NRG3: variants seen among roughly 807,000 people sequenced by gnomAD.
NRG3 encodes the protein pro-neuregulin-3, membrane-bound isoform.
A neutral mutation model predicts 66.9 loss-of-function variants in NRG3; 31 were observed. The ratio of observed to expected loss-of-function variants is 0.46; its 90% CI spans 0.35 to 0.63. The LOEUF (loss-of-function observed/expected upper bound fraction) is 0.63, where lower values mean the gene tolerates loss of function less well. NRG3 is among the 20% of genes least tolerant of loss of function. The pLI is 0.00. For synonymous variants in NRG3, 393 were observed against 359.4 expected, an observed-to-expected ratio of 1.09 and a Z score of -1.06; for missense variants, 910 against 878.9, an observed-to-expected ratio of 1.04 and a Z score of -0.45.
intron 1 of NRG3, among the ~76,000 whole-genome samples, chr10:82,202,200 G>A (rs1328028428): frequency 6.6e-6 from 1 of 152,168 alleles, no homozygotes; most frequent in Non-Finnish European, 1.5e-5. Context: ...TGTTCACTAA[G>A]CCCCCTGACT....
At chr10:82,153,028 C>A (rs191173517) in intron 1 of NRG3, among the ~76,000 whole-genome samples, 24 of 152,004 alleles carry the variant, frequency 1.6e-4, no homozygotes, top group African/African-American at 5.1e-4. Context: ...ATTTAGTTAA[C>A]ATTTATCACC....
intron 1 of NRG3, among the ~76,000 whole-genome samples, chr10:82,239,163 GTATTCA>G (rs2076896794): frequency 6.6e-6 from 1 of 151,486 alleles, no homozygotes. Context: ...TTTTTGTATT[GTATTCA>G]CAAAAAGGAA....
intron 1 of NRG3, among the ~76,000 whole-genome samples, chr10:82,000,863 CA>C (rs2061135525): frequency 1.3e-5 from 2 of 152,134 alleles, no homozygotes; most frequent in South Asian, 4.1e-4. Flanking sequence ...TCTTGTTTTT[CA>C]GTGGTCTTGC....
intron 1 of NRG3, among the ~76,000 whole-genome samples, chr10:82,077,200 AT>A (rs1470551895): frequency 1.3e-5 from 2 of 152,222 alleles, no homozygotes; most frequent in Non-Finnish European, 2.9e-5. Flanking sequence ...GTCTACATTT[AT>A]TTGCTGTATA....
chr10:82,609,916 T>A (rs528703785), intron 2 of NRG3, among the ~76,000 whole-genome samples: 1 of 152,348 alleles, frequency 6.6e-6, no homozygotes, highest in South Asian at 2.1e-4. Flanking sequence ...CATAGACCTT[T>A]AGGTCAGAAA....
chr10:82,194,683 C>T (rs996008059), intron 1 of NRG3, among the ~76,000 whole-genome samples: 15 of 152,116 alleles, frequency 9.9e-5, no homozygotes, highest in African/African-American at 2.2e-4. Flanking sequence ...GAGAGGGCAC[C>T]GGTGGGAGGA....
intron 4 of NRG3, among the ~76,000 whole-genome samples, chr10:82,906,686 T>C (rs944980668): frequency 2.0e-5 from 3 of 152,220 alleles, no homozygotes; most frequent in South Asian, 2.1e-4. Flanking sequence ...AACATCCTAA[T>C]ATGCTTTCTC....
chr10:82,876,155 G>A (rs1317764460), intron 4 of NRG3, among the ~76,000 whole-genome samples: 1 of 152,184 alleles, frequency 6.6e-6, no homozygotes, highest in Non-Finnish European at 1.5e-5. Flanking sequence ...AAGCAGTGCT[G>A]TTCACTGAAG....
chr10:82,979,019 AC>A lies in NRG3; in HGVS notation c.1487del (p.Pro496ArgfsTer7). 1 of 1,613,908 alleles carries A rather than the reference AC, an allele frequency of 6.2e-7. No individual in the cohort carries two copies. The highest frequency in any genetic ancestry group is 8.5e-7 in the Non-Finnish European group (1 of 1,179,936). ...TCCATAGGAATGCCTTCAGAAGGAC[AC>A]CCCCGTCACCCCGAAGTAGGCTAGG... ...MLHRNAFRRTPPSPRSRLGGI... is the reference protein window; with the variant it reads ...MLHRNAFRRTXPSPRSRLGGI... On this transcript the variant is annotated frameshift_variant, in exon 8 of 9. Transcript: ENST00000372141. LOFTEE classifies it high-confidence loss of function.
intron 2 of NRG3, among the ~76,000 whole-genome samples, chr10:82,533,552 T>A (rs147483385): frequency 6.6e-6 from 1 of 152,280 alleles, no homozygotes; most frequent in South Asian, 2.1e-4. Flanking sequence ...AAGAATGTAT[T>A]TCTCTTTCAA....
rs559584999 is a variant in NRG3 at position 81,885,765 on chromosome 10, A to T, written c.823+9602A>T. On this transcript the variant is annotated intron_variant, in intron 1 of 8. Coordinates refer to ENST00000372141, the MANE Select transcript of NRG3 (RefSeq NM_001010848.4). ...TCAACATCCTGTAAGACTGTAAATGAATCCCATAAACTAACAATGACAGTT... is the reference window on the plus strand; with the variant it reads ...TCAACATCCTGTAAGACTGTAAATGTATCCCATAAACTAACAATGACAGTT... Among the ~76,000 whole-genome samples, 6 of 152,278 alleles carry T rather than the reference A, an allele frequency of 3.9e-5. No individual in the cohort carries two copies. In the East Asian group the frequency reaches 5.8e-4, roughly 15 times the overall value.
At chr10:82,466,056 T>C (rs955594142) in intron 2 of NRG3, among the ~76,000 whole-genome samples, 3 of 152,210 alleles carry the variant, frequency 2.0e-5, no homozygotes, top group African/African-American at 7.2e-5. Flanking sequence ...TCATTGGCTC[T>C]GCCCAGTGGT....
chr10:82,744,333 A>G (rs1245551878), intron 3 of NRG3, among the ~76,000 whole-genome samples: 2 of 152,172 alleles, frequency 1.3e-5, no homozygotes, highest in African/African-American at 4.8e-5. Flanking sequence ...ACTATTGTGA[A>G]TGCTAGGAAG....
intron 1 of NRG3, among the ~76,000 whole-genome samples, chr10:82,252,810 C>T (rs2077547173): frequency 6.6e-6 from 1 of 152,054 alleles, no homozygotes; most frequent in Non-Finnish European, 1.5e-5. Context: ...AGAATAATGC[C>T]TCTGGCTCCA....
intron 7 of NRG3, among the ~76,000 whole-genome samples, chr10:82,978,317 T>C (rs368108561): frequency 3.9e-5 from 6 of 152,222 alleles, no homozygotes; most frequent in African/African-American, 1.4e-4. Context: ...AACATATAGT[T>C]ATTTAGGCAT....
chr10:82,073,921 A>G (rs1352537851), intron 1 of NRG3, among the ~76,000 whole-genome samples: 1 of 152,220 alleles, frequency 6.6e-6, no homozygotes, highest in Non-Finnish European at 1.5e-5. Context: ...AGTCATGAAC[A>G]AATTAAACCG....
intron 1 of NRG3, among the ~76,000 whole-genome samples, chr10:82,037,274 C>T (rs7073654): frequency 0.23 from 35,177 of 152,028 alleles, 4,213 homozygotes; most frequent in Middle Eastern, 0.33. Flanking sequence ...GCTGGCCAAA[C>T]AGTCATGGCA....
At chr10:82,109,779 C>T (rs1468442895) in intron 1 of NRG3, among the ~76,000 whole-genome samples, 1 of 152,106 alleles carries the variant, frequency 6.6e-6, no homozygotes, top group Non-Finnish European at 1.5e-5. Context: ...ATTTAATCCT[C>T]ATAACAAGCC....
intron 2 of NRG3, among the ~76,000 whole-genome samples, chr10:82,475,266 G>A (rs1204965413): frequency 6.6e-6 from 1 of 151,666 alleles, no homozygotes; most frequent in Non-Finnish European, 1.5e-5. Context: ...AATGAAAGAG[G>A]GAAAAATACT....
Sources: gnomAD v4.1 joint callset for allele counts (sites outside exome capture counted in the v4.1 genomes callset) on GRCh38, gnomAD v4.1.1 for gene constraint, MANE v1.5 for transcripts, NCBI Gene and HGNC (gene_info 2026-07-23, HGNC 2026-07-21) for gene names.